Variants in CSPP1 observed in about 807,000 individuals in gnomAD.
The protein encoded by CSPP1 is centrosome and spindle pole-associated protein 1.
CSPP1 carries 126 observed loss-of-function variants against 164.4 expected under a neutral mutation model. The observed-to-expected ratio is 0.77, with a 90% CI of 0.66 to 0.89. The LOEUF is 0.89. Ranked by LOEUF, CSPP1 falls within the 40% of genes least tolerant of loss-of-function variation. The probability of loss-of-function intolerance (pLI) is 0.00; values close to 1 mark genes in which losing one functional copy is unlikely to be tolerated. For synonymous variants in CSPP1, 472 were observed against 476.7 expected (o/e 0.99, Z 0.13); for missense variants, 1,395 against 1,449.8 (o/e 0.96, Z 0.61).
intron 11 of CSPP1, 31 bp downstream of exon 11, chr8:67,113,893 A>T (rs757360129): frequency 1.5e-6 from 2 of 1,369,150 alleles, no homozygotes; most frequent in South Asian, 2.5e-5. Flanking sequence ...TTAATGTTTA[A>T]TCTTTCATCA....
intron 3 of CSPP1, among the ~76,000 whole-genome samples, chr8:67,081,574 A>G (rs191699092): frequency 6.6e-6 from 1 of 152,352 alleles, no homozygotes; most frequent in Admixed American, 6.5e-5. Flanking sequence ...TGTTTATTTC[A>G]TTAAAAGAAA....
In CSPP1 at chr8:67,149,925, T is replaced by C; in HGVS notation, c.2118T>C (p.Asn706=). The change falls in exon 18 of 31, where the codon AAT becomes AAC. Residue 706 remains asparagine (N), a synonymous_variant. Coordinates refer to ENST00000678616, the MANE Select transcript of CSPP1 (RefSeq NM_001382391.1). ...CTGAGAACCTAGAAGATGCTGCAAA[T>C]AAAAGCTCAGGTTTTTAATCACTTT... The part of the protein sequence containing the change: ...SNAENLEDAA[N]KSSGHMQTQS... 6.6e-7 allele frequency: 1 copy of C among 1,504,788 alleles called. No individual in the cohort carries two copies. Among genetic ancestry groups the C allele is most frequent in the Non-Finnish European group, 8.9e-7 (1 of 1,125,344 alleles). 93.2% of individuals were successfully genotyped at this position (1,504,788 alleles called of 1,614,324 possible).
chr8:67,155,289 T>C (rs1026955728), intron 19 of CSPP1, among the ~76,000 whole-genome samples: 6 of 152,256 alleles, frequency 3.9e-5, no homozygotes, highest in African/African-American at 1.2e-4. Flanking sequence ...TCCTTTGATA[T>C]GACTTTTCAC....
chr8:67,170,518 A>C (rs1332767977), intron 24 of CSPP1, among the ~76,000 whole-genome samples: 1 of 152,088 alleles, frequency 6.6e-6, no homozygotes, highest in Non-Finnish European at 1.5e-5. Context: ...AGACATCTGC[A>C]TTTTACAGAT....
At chr8:67,088,480 G>C (rs1810890885) in intron 4 of CSPP1, among the ~76,000 whole-genome samples, 2 of 151,672 alleles carry the variant, frequency 1.3e-5, no homozygotes, top group Admixed American at 1.3e-4. Flanking sequence ...AGTAGAGACG[G>C]GGTTTCACCA....
chr8:67,158,518 A>G lies in CSPP1; in HGVS notation c.2313A>G (p.Arg771=), dbSNP rs761027817. Residue 771 remains arginine (R), a synonymous_variant, in exon 20 of 31, where the codon AGA becomes AGG. Transcript: ENST00000678616. ...RLRIAEEKEE[R]RLAEQRARIQ... is the part of the protein sequence containing the mutation. Reference sequence around the variant, plus strand: ...GAATTGCAGAAGAAAAAGAAGAAAGACGGCTTGCAGAACAGAGGGCACGAA... The same window carrying G: ...GAATTGCAGAAGAAAAAGAAGAAAGGCGGCTTGCAGAACAGAGGGCACGAA... 8 of 1,612,926 alleles carry G rather than the reference A, an allele frequency of 5.0e-6. No individual in the cohort carries two copies. The highest frequency in any genetic ancestry group is 6.8e-6 in the Non-Finnish European group (8 of 1,179,350).
At chr8:67,071,653 A>C (rs1167978524) in intron 1 of CSPP1, among the ~76,000 whole-genome samples, 1 of 152,206 alleles carries the variant, frequency 6.6e-6, no homozygotes, top group Non-Finnish European at 1.5e-5. Context: ...GCTCTGACTT[A>C]CTTCTGTCCA....
intron 16 of CSPP1, chr8:67,135,201 T>C (rs1822002815): frequency 6.6e-6 from 1 of 152,238 alleles, no homozygotes; most frequent in African/African-American, 2.4e-5. Context: ...AGTCGCACTC[T>C]GTTGCCCAGC....
intron 30 of CSPP1, among the ~76,000 whole-genome samples, chr8:67,194,930 TTA>T (rs1837523655): frequency 6.6e-6 from 1 of 152,166 alleles, no homozygotes; most frequent in Admixed American, 6.5e-5. Context: ...AATAATTTCC[TTA>T]TAGCAGTGTT....
At position 67,161,906 on chromosome 8, in the gene CSPP1, C is replaced by G. The variant is rs1486107393; in HGVS notation, c.2634C>G (p.Ser878=). 4 of 1,598,290 alleles carry G rather than the reference C, an allele frequency of 2.5e-6. No homozygotes were observed. The East Asian group carries it at 8.9e-5, about 36-fold the overall frequency. Residue 878 remains serine, a synonymous_variant, in exon 22 of 31, where the codon TCC becomes TCG. Coordinates refer to ENST00000678616, the MANE Select transcript of CSPP1 (RefSeq NM_001382391.1). ...CTTCAGTTGACAGCATCATACGTTC[C>G]TTTATTCATGTATGTACTTTTGTTT... ...RPPSVDSIIR[S]FIHESSMSRA...
chr8:67,069,546 G>A (rs906285194), intron 1 of CSPP1, among the ~76,000 whole-genome samples: 1 of 151,312 alleles, frequency 6.6e-6, no homozygotes, highest in Non-Finnish European at 1.5e-5. Flanking sequence ...AAATGAACAT[G>A]TTAAATTAAT....
intron 3 of CSPP1, chr8:67,083,824 C>G (rs1332817301): frequency 6.6e-6 from 1 of 151,788 alleles, no homozygotes; most frequent in Non-Finnish European, 1.5e-5. Context: ...TGATATGTAA[C>G]TTTGGTAACT....
intron 19 of CSPP1, among the ~76,000 whole-genome samples, chr8:67,155,525 G>T (rs1263808365): frequency 6.6e-6 from 1 of 152,174 alleles, no homozygotes; most frequent in Admixed American, 6.5e-5. Flanking sequence ...GCTGGGTGTG[G>T]TGGCTCACAC....
At chr8:67,163,704 A>C in intron 22 of CSPP1, 28 bp from the exon 23 acceptor site, 1 of 1,555,046 alleles carries the variant, frequency 6.4e-7, no homozygotes. Context: ...GACATACTGA[A>C]CATGTCTTTG....
intron 30 of CSPP1, 83 bp from the exon 31 acceptor site, chr8:67,195,299 G>A (rs1837689173): frequency 1.2e-6 from 1 of 843,732 alleles, no homozygotes. Flanking sequence ...GAGTTGTAAT[G>A]AGTTGGACTA....
intron 1 of CSPP1, among the ~76,000 whole-genome samples, chr8:67,072,678 G>A (rs1289474534): frequency 6.6e-6 from 1 of 151,964 alleles, no homozygotes; most frequent in Non-Finnish European, 1.5e-5. Flanking sequence ...GGGCAACGTA[G>A]TGAGATCCTG....
chr8:67,079,856 C>T (rs757089290), intron 3 of CSPP1, among the ~76,000 whole-genome samples: 11 of 152,158 alleles, frequency 7.2e-5, no homozygotes, highest in Non-Finnish European at 1.3e-4. Context: ...TAGCACAGTG[C>T]GCAGCACTTA....
intron 30 of CSPP1, among the ~76,000 whole-genome samples, chr8:67,194,984 TAAAAAGA>T (rs1466230306): frequency 2.0e-5 from 3 of 151,982 alleles, no homozygotes; most frequent in South Asian, 2.1e-4. Flanking sequence ...TTAAAAAAAA[TAAAAAGA>T]AAAAAGAAAG....
chr8:67,080,580 G>T (rs181362436), intron 3 of CSPP1, among the ~76,000 whole-genome samples: 1 of 152,328 alleles, frequency 6.6e-6, no homozygotes, highest in African/African-American at 2.4e-5. Flanking sequence ...GACTCCAGCT[G>T]CAAGTTCAAG....
Sources: gnomAD v4.1 joint callset for allele counts (sites outside exome capture counted in the v4.1 genomes callset) on GRCh38, gnomAD v4.1.1 for gene constraint, MANE v1.5 for transcripts, NCBI Gene and HGNC (gene_info 2026-07-23, HGNC 2026-07-21) for gene names.